OPN5: variants seen among roughly 807,000 people sequenced by gnomAD.
OPN5 encodes the protein opsin 5.
Under a neutral mutation model 41.7 loss-of-function variants are expected in OPN5, and 18 were observed. The observed-to-expected ratio is 0.43, with a 90% confidence interval of 0.30 to 0.64. The LOEUF (loss-of-function observed/expected upper bound fraction) is 0.64. OPN5 is among the 30% of genes least tolerant of loss of function. The probability of loss-of-function intolerance (pLI) is 0.13; values close to 1 mark genes in which losing one functional copy is unlikely to be tolerated. For missense variants in OPN5, 318 were observed against 434.5 expected (o/e 0.73, Z 2.38); for synonymous variants, 178 against 164.3 (o/e 1.08, Z -0.64).
intron 6 of OPN5, among the ~76,000 whole-genome samples, chr6:47,820,741 T>C (rs1022564775): frequency 4.2e-4 from 64 of 151,966 alleles, no homozygotes; most frequent in African/African-American, 1.5e-3. Context: ...TGAAAATAGG[T>C]CATGGTGTAG....
At chr6:47,817,092 A>C (rs1294325823) in intron 6 of OPN5, among the ~76,000 whole-genome samples, 1 of 152,056 alleles carries the variant, frequency 6.6e-6, no homozygotes, top group Non-Finnish European at 1.5e-5. Context: ...TGATGCTATG[A>C]GACATATTTG....
intron 6 of OPN5, among the ~76,000 whole-genome samples, chr6:47,812,579 T>C (rs1762282722): frequency 6.6e-6 from 1 of 152,168 alleles, no homozygotes; most frequent in African/African-American, 2.4e-5. Context: ...CAAAGACAGA[T>C]TCCTGCCTTT....
intron 1 of OPN5, 68 bp downstream of exon 1, chr6:47,782,264 T>C (rs1773110184): frequency 6.7e-7 from 1 of 1,497,222 alleles, no homozygotes; most frequent in African/African-American, 1.4e-5. Flanking sequence ...ATGTTAATTT[T>C]GTGAAAGGAT....
At chr6:47,790,237 A>AT (rs940896367) in intron 2 of OPN5, among the ~76,000 whole-genome samples, 2 of 152,162 alleles carry the variant, frequency 1.3e-5, no homozygotes, top group African/African-American at 4.8e-5. Context: ...AAAACAGTGA[A>AT]TTTTTTTCTT....
At chr6:47,783,077 T>C (rs188727091) in intron 1 of OPN5, among the ~76,000 whole-genome samples, 21 of 152,188 alleles carry the variant, frequency 1.4e-4, no homozygotes, top group African/African-American at 4.8e-4. Context: ...ACTTTGTAAA[T>C]TTTTACTTTG....
intron 4 of OPN5, among the ~76,000 whole-genome samples, chr6:47,799,953 T>C (rs1459398679): frequency 3.9e-5 from 6 of 152,104 alleles, no homozygotes; most frequent in African/African-American, 2.4e-5. Flanking sequence ...TCACTTTTTT[T>C]CCCCACACTC....
intron 4 of OPN5, among the ~76,000 whole-genome samples, chr6:47,801,754 A>G (rs1773782499): frequency 6.6e-6 from 1 of 151,098 alleles, no homozygotes; most frequent in African/African-American, 2.4e-5. Flanking sequence ...TTATTTGTTC[A>G]TTTCCCTTTT....
chr6:47,796,795 A>C (rs556708185), intron 4 of OPN5, among the ~76,000 whole-genome samples: 2 of 152,302 alleles, frequency 1.3e-5, no homozygotes, highest in Non-Finnish European at 2.9e-5. Flanking sequence ...TTATACAAAG[A>C]TCTCTTGGTT....
rs1389298718 is a variant in OPN5, at chr6:47,819,354, A to ATATAT, written c.1057-4629_1057-4628insTATAT. ...AATTAGGAATATATATATATATATAAAAAATATATTACCGTATAAGTAGAA... is the reference window on the plus strand; with the variant it reads ...AATTAGGAATATATATATATATATAATATATAAAATATATTACCGTATAAGTAGAA... On this transcript the variant is annotated intron_variant, in intron 6 of 6. Transcript: ENST00000371211. Among the ~76,000 whole-genome samples, 112 of 59,042 alleles carry ATATAT rather than the reference A, an allele frequency of 1.9e-3. 21 individuals are homozygous for ATATAT. In the Middle Eastern group the frequency reaches 0.085, roughly 45 times the overall value. 38.7% of individuals were successfully genotyped at this position (59,042 alleles called of 152,430 possible).
chr6:47,810,917 A>G lies in OPN5; in HGVS notation c.999-757A>G, dbSNP rs145507465. ...AAAAATGACTGCTGCCTGGGCCCCA[A>G]CTATAGAGATTTGGCTTTGTCTGGA... On this transcript the variant is annotated intron_variant, in intron 5 of 6. Transcript: ENST00000371211. Among the ~76,000 whole-genome samples the G allele has an allele frequency of 6.6e-3, 1,004 of 152,292 alleles. 12 individuals carry two copies. Among genetic ancestry groups the G allele is most frequent in the African/African-American group, 0.022 (926 of 41,566 alleles).
At chr6:47,804,203 C>T (rs1356578157) in intron 4 of OPN5, among the ~76,000 whole-genome samples, 1 of 152,026 alleles carries the variant, frequency 6.6e-6, no homozygotes, top group East Asian at 1.9e-4. Flanking sequence ...TTTGTAGAAG[C>T]TAAACATGTA....
At position 47,792,219 on chromosome 6, in the gene OPN5, AC is replaced by A. The variant is rs767177735; in HGVS notation, c.421+249del. ...TTTGGTTATAATGCTTTAAAAAAGT[AC>A]CATTTTCTTGTATAGTGTGTAAGCT... On this transcript the variant is annotated intron_variant, in intron 3 of 6. Transcript: ENST00000371211. Among the ~76,000 whole-genome samples, 170 of 152,376 alleles carry A rather than the reference AC, an allele frequency of 1.1e-3. 2 individuals are homozygous for A. The highest frequency in any genetic ancestry group is 4.3e-3 in the South Asian group (21 of 4,832).
intron 4 of OPN5, among the ~76,000 whole-genome samples, chr6:47,799,757 T>G (rs1483982347): frequency 6.6e-6 from 1 of 152,144 alleles, no homozygotes; most frequent in African/African-American, 2.4e-5. Flanking sequence ...TGGGGTAGGT[T>G]CAGGACACCT....
At chr6:47,795,776 T>TCACACACACACA (rs879658004) in intron 4 of OPN5, among the ~76,000 whole-genome samples, 14 of 104,146 alleles carry the variant, frequency 1.3e-4, no homozygotes, top group African/African-American at 5.6e-4. Context: ...TCTCTCTCTC[T>TCACACACACACA]CTCACACACA....
At chr6:47,803,405 T>C (rs9473191) in intron 4 of OPN5, among the ~76,000 whole-genome samples, 20,522 of 152,110 alleles carry the variant, frequency 0.13, 1,476 homozygotes, top group Middle Eastern at 0.16. Context: ...TCTAGCTAGA[T>C]CCAAGCTAGA....
At chr6:47,814,774 A>G (rs1762378930) in intron 6 of OPN5, among the ~76,000 whole-genome samples, 1 of 152,184 alleles carries the variant, frequency 6.6e-6, no homozygotes, top group South Asian at 2.1e-4. Context: ...TAGAAAAGAT[A>G]TATTGCATTT....
At chr6:47,820,218 A>C (rs1762577423) in intron 6 of OPN5, among the ~76,000 whole-genome samples, 1 of 152,060 alleles carries the variant, frequency 6.6e-6, no homozygotes, top group Non-Finnish European at 1.5e-5. Context: ...TTTATGGAAA[A>C]ACTTTGCTGA....
At chr6:47,821,600 A>T (rs1006950931) in intron 6 of OPN5, among the ~76,000 whole-genome samples, 1 of 152,196 alleles carries the variant, frequency 6.6e-6, no homozygotes, top group African/African-American at 2.4e-5. Context: ...TGTGGGAAAA[A>T]TATGTGAGCA....
At chr6:47,787,514 T>C (rs1320297934) in intron 2 of OPN5, among the ~76,000 whole-genome samples, 2 of 152,228 alleles carry the variant, frequency 1.3e-5, no homozygotes, top group Non-Finnish European at 2.9e-5. Flanking sequence ...TGGTTTTAGG[T>C]CATTAGAGTA....
Sources: gnomAD v4.1 joint callset for allele counts (sites outside exome capture counted in the v4.1 genomes callset) on GRCh38, gnomAD v4.1.1 for gene constraint, MANE v1.5 for transcripts, NCBI Gene and HGNC (gene_info 2026-07-23, HGNC 2026-07-21) for gene names.